PRELID2: variants seen among roughly 807,000 people sequenced by gnomAD.
The protein encoded by PRELID2 is PRELI domain-containing protein 2.
Under a neutral mutation model 28.4 loss-of-function variants are expected in PRELID2, and 25 were observed. The ratio of observed to expected loss-of-function variants is 0.88; its 90% CI spans 0.64 to 1.23. The LOEUF is 1.23. PRELID2 is among the 50% of genes most tolerant of loss of function. The pLI is 0.00. For missense variants in PRELID2, 201 were observed against 214.4 expected, an observed-to-expected ratio of 0.94 and a Z score of 0.39; for synonymous variants, 76 against 71.6, an observed-to-expected ratio of 1.06 and a Z score of -0.31.
intron 1 of PRELID2, among the ~76,000 whole-genome samples, chr5:145,681,907 G>A (rs551254157): frequency 5.7e-4 from 87 of 152,328 alleles, no homozygotes; most frequent in Non-Finnish European, 9.8e-4. Flanking sequence ...TGCCAAATTA[G>A]AAATGGCTTT....
chr5:145,294,694 A>C, the PRELID2 span, among the ~76,000 whole-genome samples: 1 of 152,196 alleles, frequency 6.6e-6, no homozygotes. Flanking sequence ...TTGTATAAGA[A>C]ACTTGTTTAC....
chr5:145,587,626 GC>G (rs1186989392), intron 1 of PRELID2, among the ~76,000 whole-genome samples: 1 of 152,138 alleles, frequency 6.6e-6, no homozygotes, highest in Non-Finnish European at 1.5e-5. Context: ...CTTTGAGAAA[GC>G]ATAATACTTC....
the PRELID2 span, among the ~76,000 whole-genome samples, chr5:145,292,621 A>G: frequency 2.7e-3 from 417 of 152,262 alleles, 5 homozygotes; most frequent in African/African-American, 9.2e-3. Context: ...CCAGGGGCTG[A>G]ATCTGGGTCA....
chr5:145,504,557 A>G (rs74860871), intron 1 of PRELID2, among the ~76,000 whole-genome samples: 278 of 152,290 alleles, frequency 1.8e-3, no homozygotes, highest in African/African-American at 6.5e-3. Flanking sequence ...AGGTAAGGCA[A>G]CGTGGGGTCA....
chr5:145,500,159 A>G (rs1430615801), intron 1 of PRELID2, among the ~76,000 whole-genome samples: 1 of 152,200 alleles, frequency 6.6e-6, no homozygotes, highest in Non-Finnish European at 1.5e-5. Flanking sequence ...CTCATATGGA[A>G]TTATAATGCC....
chr5:145,421,357 T>C, the PRELID2 span, among the ~76,000 whole-genome samples: 4 of 151,024 alleles, frequency 2.6e-5, no homozygotes, highest in East Asian at 1.9e-4. Flanking sequence ...TGAATCCATC[T>C]GGTCCTGGAA....
intron 1 of PRELID2, among the ~76,000 whole-genome samples, chr5:145,718,392 A>T (rs879702516): frequency 2.6e-5 from 4 of 151,968 alleles, no homozygotes; most frequent in Non-Finnish European, 5.9e-5. Context: ...ACAATCCTAA[A>T]ATCTAATAAA....
intron 1 of PRELID2, among the ~76,000 whole-genome samples, chr5:145,690,644 G>A (rs542144711): frequency 9.9e-5 from 15 of 152,272 alleles, no homozygotes; most frequent in African/African-American, 2.6e-4. Context: ...GAAGCCAAAC[G>A]TACTGTCAGG....
chr5:145,769,753 CTG>C (rs1017803193), intron 5 of PRELID2, among the ~76,000 whole-genome samples: 1 of 152,142 alleles, frequency 6.6e-6, no homozygotes, highest in African/African-American at 2.4e-5. Flanking sequence ...GATGCACCCA[CTG>C]TGTGTAAGGA....
chr5:145,460,169 G>A, the PRELID2 span, among the ~76,000 whole-genome samples: 11 of 152,300 alleles, frequency 7.2e-5, no homozygotes, highest in African/African-American at 2.4e-4. Flanking sequence ...ATTAACTAGT[G>A]AGACTGCTAC....
intron 1 of PRELID2, among the ~76,000 whole-genome samples, chr5:145,665,144 C>A (rs1754563043): frequency 6.6e-6 from 1 of 151,924 alleles, no homozygotes; most frequent in South Asian, 2.1e-4. Flanking sequence ...TTTACTTCTA[C>A]AAGTTAAAAA....
At chr5:145,329,433 A>G in the PRELID2 span, among the ~76,000 whole-genome samples, 4 of 151,900 alleles carry the variant, frequency 2.6e-5, no homozygotes, top group African/African-American at 9.7e-5. Flanking sequence ...TTTTCCATTT[A>G]TTTGTGTTCT....
chr5:145,478,546 G>A (rs1041097454), intron 1 of PRELID2, among the ~76,000 whole-genome samples: 8 of 151,934 alleles, frequency 5.3e-5, no homozygotes, highest in Middle Eastern at 6.8e-3. Context: ...GCAAGACCCC[G>A]TCTCCAAAAA....
At chr5:145,711,166 C>T (rs1043444826) in intron 1 of PRELID2, among the ~76,000 whole-genome samples, 4 of 152,102 alleles carry the variant, frequency 2.6e-5, no homozygotes, top group Non-Finnish European at 5.9e-5. Flanking sequence ...TTTAACTGAA[C>T]AAAAATCATG....
chr5:145,405,112 A>T, the PRELID2 span, among the ~76,000 whole-genome samples: 1 of 152,210 alleles, frequency 6.6e-6, no homozygotes, highest in African/African-American at 2.4e-5. Flanking sequence ...AATGTGTAAT[A>T]ATATCCTGAT....
At chr5:145,628,257 G>A (rs1456508771) in intron 1 of PRELID2, among the ~76,000 whole-genome samples, 2 of 151,922 alleles carry the variant, frequency 1.3e-5, no homozygotes, top group Non-Finnish European at 2.9e-5. Context: ...CCCCTCACAA[G>A]AAGAAATGTG....
At chr5:145,734,828 T>C (rs1756449097) in intron 1 of PRELID2, among the ~76,000 whole-genome samples, 1 of 152,342 alleles carries the variant, frequency 6.6e-6, no homozygotes, top group African/African-American at 2.4e-5. Context: ...AGTTAGTAAA[T>C]GGCAGACTAA....
chr5:145,647,304 G>C (rs1396402643), intron 1 of PRELID2, among the ~76,000 whole-genome samples: 1 of 152,144 alleles, frequency 6.6e-6, no homozygotes, highest in African/African-American at 2.4e-5. Flanking sequence ...TGGCAGCTTT[G>C]TTTATTTACA....
At chr5:145,778,307 G>C (rs1299818944) in intron 5 of PRELID2, among the ~76,000 whole-genome samples, 1 of 152,012 alleles carries the variant, frequency 6.6e-6, no homozygotes, top group African/African-American at 2.4e-5. Context: ...AGAGATACAG[G>C]GACGACTGGA....
Sources: gnomAD v4.1 joint callset for allele counts (sites outside exome capture counted in the v4.1 genomes callset) on GRCh38, gnomAD v4.1.1 for gene constraint, MANE v1.5 for transcripts, NCBI Gene and HGNC (gene_info 2026-07-23, HGNC 2026-07-21) for gene names.